Variants in LGSN observed in about 807,000 individuals in gnomAD.
The protein encoded by LGSN is lengsin.
A neutral mutation model predicts 19.5 loss-of-function variants in LGSN; 21 were observed. The observed-to-expected ratio is 1.07, with a 90% CI of 0.76 to 1.55. LGSN has a LOEUF of 1.55. Ranked by LOEUF, LGSN falls within the 40% of genes most tolerant of loss-of-function variation. The pLI is 0.00. For missense variants in LGSN, 673 were observed against 608.5 expected, an observed-to-expected ratio of 1.11 and a Z score of -1.12; for synonymous variants, 257 against 215.6, an observed-to-expected ratio of 1.19 and a Z score of -1.68.
chr6:63,354,077 T>C, the LGSN span, among the ~76,000 whole-genome samples: 1 of 152,206 alleles, frequency 6.6e-6, no homozygotes, highest in East Asian at 1.9e-4. Context: ...TTTAGGGCAT[T>C]GGTCTAGGCA....
chr6:63,281,354 A>ATATATATATAAT (rs1767318084), intron 3 of LGSN, 134 bp from the exon 4 acceptor site: 2 of 168,694 alleles, frequency 1.2e-5, no homozygotes, highest in East Asian at 1.4e-4. Flanking sequence ...ATATATGTTT[A>ATATATATATAAT]ACACTTGTTG....
At chr6:63,315,622 G>C (rs551353874) in intron 1 of LGSN, among the ~76,000 whole-genome samples, 4,232 of 109,552 alleles carry the variant, frequency 0.039, 117 homozygotes, top group African/African-American at 0.13. Context: ...CTCTCTCTGT[G>C]TGTGTGTGTG....
At chr6:63,443,249 GC>G in the LGSN span, among the ~76,000 whole-genome samples, 1 of 152,226 alleles carries the variant, frequency 6.6e-6, no homozygotes, top group African/African-American at 2.4e-5. Flanking sequence ...TGCGGGGCCT[GC>G]CGAGCCCGCG....
chr6:63,472,240 C>A, the LGSN span, among the ~76,000 whole-genome samples: 2 of 152,292 alleles, frequency 1.3e-5, no homozygotes, highest in African/African-American at 4.8e-5. Context: ...TTGGTTGAAT[C>A]GGGACTGGTC....
At chr6:63,421,282 C>A in the LGSN span, among the ~76,000 whole-genome samples, 1 of 152,064 alleles carries the variant, frequency 6.6e-6, no homozygotes, top group South Asian at 2.1e-4. Flanking sequence ...ATTAGCCAGG[C>A]GTGATGGCAC....
At chr6:63,559,013 A>C in the LGSN span, among the ~76,000 whole-genome samples, 3 of 152,222 alleles carry the variant, frequency 2.0e-5, no homozygotes, top group African/African-American at 7.2e-5. Flanking sequence ...AAAGGCCATA[A>C]GGATGGCTTG....
At chr6:63,346,234 G>A in the LGSN span, among the ~76,000 whole-genome samples, 90 of 152,126 alleles carry the variant, frequency 5.9e-4, no homozygotes, top group African/African-American at 2.1e-3. Flanking sequence ...CTTGGTGGGC[G>A]TCTGCATGGA....
the LGSN span, among the ~76,000 whole-genome samples, chr6:63,472,666 C>T: frequency 4.6e-5 from 7 of 152,228 alleles, no homozygotes; most frequent in East Asian, 1.9e-4. Context: ...TCGGGCCGGG[C>T]GCGGTGGCTC....
chr6:63,291,062 G>A (rs745990303), intron 2 of LGSN, among the ~76,000 whole-genome samples: 8 of 152,216 alleles, frequency 5.3e-5, no homozygotes, highest in Non-Finnish European at 8.8e-5. Flanking sequence ...AGTGAGATGG[G>A]AGAGTTCCCT....
At chr6:63,507,732 T>C in the LGSN span, among the ~76,000 whole-genome samples, 2 of 152,196 alleles carry the variant, frequency 1.3e-5, no homozygotes, top group Non-Finnish European at 2.9e-5. Context: ...ATTTCCTTTA[T>C]TTAGGTTAAG....
At chr6:63,572,555 TGGTAGAGTCTGGTGCCCCC>T in the LGSN span, 1 of 406,354 alleles carries the variant, frequency 2.5e-6, no homozygotes, top group Non-Finnish European at 4.3e-6. Context: ...GCTCACTGCA[TGGTAGAGTCTGGTGCCCCC>T]GCCGCCGCCT....
At chr6:63,490,311 TA>T in the LGSN span, among the ~76,000 whole-genome samples, 2 of 152,268 alleles carry the variant, frequency 1.3e-5, no homozygotes, top group East Asian at 3.9e-4. Context: ...GATTAGTTTC[TA>T]AATAAGAATG....
chr6:63,328,037 T>C, the LGSN span, among the ~76,000 whole-genome samples: 2 of 152,234 alleles, frequency 1.3e-5, no homozygotes, highest in Non-Finnish European at 2.9e-5. Context: ...TAGGATTAGA[T>C]AAGCATACTT....
At chr6:63,298,977 GATAAAAAGAGAATTAT>G (rs1336121420) in intron 1 of LGSN, among the ~76,000 whole-genome samples, 1 of 152,114 alleles carries the variant, frequency 6.6e-6, no homozygotes, top group Non-Finnish European at 1.5e-5. Context: ...CTGCCCCAAA[GATAAAAAGAGAATTAT>G]ATAAAGTGTT....
chr6:63,544,945 A>G, the LGSN span, among the ~76,000 whole-genome samples: 1 of 152,328 alleles, frequency 6.6e-6, no homozygotes, highest in African/African-American at 2.4e-5. Flanking sequence ...TTATATAAAT[A>G]CCATATTGCA....
chr6:63,293,887 G>A (rs997057534), intron 2 of LGSN: 2 of 401,708 alleles, frequency 5.0e-6, no homozygotes, highest in African/African-American at 4.2e-5. Context: ...GTTAAAATAT[G>A]TTTCCACTGT....
the LGSN span, among the ~76,000 whole-genome samples, chr6:63,368,300 T>A: frequency 1.3e-5 from 2 of 152,116 alleles, no homozygotes; most frequent in African/African-American, 2.4e-5. Context: ...TGATGGTGAA[T>A]CTCTTACGGC....
the LGSN span, among the ~76,000 whole-genome samples, chr6:63,440,265 C>T: frequency 6.6e-6 from 1 of 152,178 alleles, no homozygotes; most frequent in African/African-American, 2.4e-5. Context: ...TGCCCACCTA[C>T]GCCCTGGGAG....
At chr6:63,288,283 C>T (rs1416678425) in intron 2 of LGSN, among the ~76,000 whole-genome samples, 3 of 147,194 alleles carry the variant, frequency 2.0e-5, no homozygotes, top group Non-Finnish European at 4.5e-5. Context: ...TAATAATATT[C>T]ATTCACTCAT....
Sources: allele counts gnomAD v4.1 joint callset (sites outside exome capture counted in the v4.1 genomes callset), GRCh38; gene constraint gnomAD v4.1.1; transcripts MANE v1.5; gene names NCBI Gene and HGNC (gene_info 2026-07-23, HGNC 2026-07-21).